The following CD58 variants were observed in gnomAD, a reference collection of about 807,000 sequenced individuals.
CD58 encodes CD58 molecule.
In CD58, 14 loss-of-function variants were observed where a neutral mutation model predicts 27.6. The observed-to-expected ratio is 0.51, with a 90% CI of 0.34 to 0.79. CD58 has a LOEUF of 0.79. Among genes scored for constraint, CD58 ranks in the 30% least tolerant of loss-of-function variants. CD58 has a pLI of 0.02. For synonymous variants in CD58, 117 were observed against 103.8 expected (o/e 1.13, Z -0.77); for missense variants, 268 against 301.7 (o/e 0.89, Z 0.83).
chr1:116,528,946 T>C lies in CD58; in HGVS notation c.629-6963A>G, dbSNP rs1345264611. Among the ~76,000 whole-genome samples the C allele has an allele frequency of 6.6e-6, 1 of 152,218 alleles. No individual in the cohort carries two copies. Among genetic ancestry groups the C allele is most frequent in the Non-Finnish European group, 1.5e-5 (1 of 68,032 alleles). ...TTAAACCATTGGCTGTATATAATGT[T>C]ATACCAAATGTCCTCTCTTGAAACT... On this transcript the variant is annotated intron_variant, in intron 3 of 5. Coordinates refer to ENST00000369489, the MANE Select transcript of CD58 (RefSeq NM_001779.3). This position sits in a 1 kb window ranked among gnomAD's most constrained non-coding sequence, Gnocchi z 4.4.
intron 2 of CD58, among the ~76,000 whole-genome samples, chr1:116,539,223 G>A (rs1657911844): frequency 1.3e-5 from 2 of 152,190 alleles, no homozygotes; most frequent in African/African-American, 4.8e-5. Context: ...TCCAACTCCA[G>A]GAAGCCGAGG....
chr1:116,545,813 A>G (rs961240354), intron 1 of CD58, among the ~76,000 whole-genome samples: 2 of 152,198 alleles, frequency 1.3e-5, no homozygotes, highest in Non-Finnish European at 2.9e-5. Context: ...TTAGAACCAC[A>G]AGATTGGGAT....
At chr1:116,564,267 A>G (rs1202972558) in intron 1 of CD58, among the ~76,000 whole-genome samples, 5 of 152,158 alleles carry the variant, frequency 3.3e-5, no homozygotes, top group Non-Finnish European at 7.4e-5. Context: ...ATCTGAGATG[A>G]GCAGCATTTG....
At position 116,523,192 on chromosome 1, in the gene CD58, C is replaced by T. The variant is rs1348495359; in HGVS notation, c.629-1209G>A. 6.6e-6 allele frequency among the ~76,000 whole-genome samples: 1 copy of T among 152,178 alleles called. No individual in the cohort carries two copies. Among genetic ancestry groups the T allele is most frequent in the Non-Finnish European group, 1.5e-5 (1 of 68,036 alleles). On this transcript the variant is annotated intron_variant, in intron 3 of 5. Coordinates refer to ENST00000369489, the MANE Select transcript of CD58 (RefSeq NM_001779.3). The surrounding 1 kb of genome is among the most constrained non-coding windows in gnomAD (Gnocchi z 4.4). Reference sequence around the variant, plus strand: ...ATTTACTGCAGCCTTACTTAATATACCATAAGGCAAAAACAACCTAAGTTG... The same window carrying T: ...ATTTACTGCAGCCTTACTTAATATATCATAAGGCAAAAACAACCTAAGTTG...
At chr1:116,530,688 A>G (rs1490840872) in intron 3 of CD58, among the ~76,000 whole-genome samples, 1 of 152,238 alleles carries the variant, frequency 6.6e-6, no homozygotes, top group African/African-American at 2.4e-5. Flanking sequence ...AAAACCTGAA[A>G]AAGTAAGATC....
intron 1 of CD58, among the ~76,000 whole-genome samples, chr1:116,548,833 A>T (rs149111078): frequency 1.3e-3 from 205 of 152,318 alleles, no homozygotes; most frequent in African/African-American, 4.6e-3. Flanking sequence ...AGGCAATTTT[A>T]TTGAATGCTT....
intron 3 of CD58, among the ~76,000 whole-genome samples, chr1:116,526,683 C>T (rs939535092): frequency 1.1e-4 from 17 of 152,240 alleles, no homozygotes; most frequent in South Asian, 8.3e-4. Flanking sequence ...CTTTTGCCTG[C>T]CCATTTAACC....
At position 116,552,479 on chromosome 1, in the gene CD58, C is replaced by G. The variant is rs1040537811; in HGVS notation, c.71-7875G>C. On this transcript the variant is annotated intron_variant, in intron 1 of 5. Coordinates refer to ENST00000369489, the MANE Select transcript of CD58 (RefSeq NM_001779.3). The surrounding 1 kb of genome is among the most constrained non-coding windows in gnomAD (Gnocchi z 4.5). Reference sequence around the variant, plus strand: ...GGACTTGCTTAAAGCTGGGTTGTCACGAACCTTCAATTTGTAAAAAGCACA... The same window carrying G: ...GGACTTGCTTAAAGCTGGGTTGTCAGGAACCTTCAATTTGTAAAAAGCACA... Among the ~76,000 whole-genome samples the G allele has an allele frequency of 6.6e-6, 1 of 152,080 alleles. No individual in the cohort carries two copies. Among genetic ancestry groups the G allele is most frequent in the African/African-American group, 2.4e-5 (1 of 41,390 alleles).
At position 116,531,422 on chromosome 1, in the gene CD58, A is replaced by G. The variant is rs1657601081; in HGVS notation, c.628+4543T>C. Among the ~76,000 whole-genome samples, 1 of 152,250 alleles carries G rather than the reference A, an allele frequency of 6.6e-6. No individual in the cohort carries two copies. The highest frequency in any genetic ancestry group is 1.5e-5 in the Non-Finnish European group (1 of 68,040). ...TTCTTCCCCCTTGTCAGTTAGATGCAGCACACATATACCAAAAGGCAAAAG... is the reference window on the plus strand; with the variant it reads ...TTCTTCCCCCTTGTCAGTTAGATGCGGCACACATATACCAAAAGGCAAAAG... On this transcript the variant is annotated intron_variant, in intron 3 of 5. Coordinates refer to ENST00000369489, the MANE Select transcript of CD58 (RefSeq NM_001779.3). The surrounding 1 kb of genome is among the most constrained non-coding windows in gnomAD (Gnocchi z 4.5).
intron 1 of CD58, among the ~76,000 whole-genome samples, chr1:116,566,478 A>G (rs1387601327): frequency 6.6e-6 from 1 of 152,222 alleles, no homozygotes; most frequent in Non-Finnish European, 1.5e-5. Flanking sequence ...CTGTGGGCAC[A>G]CTTTGCACCC....
At chr1:116,529,181 C>A (rs937784755) in intron 3 of CD58, among the ~76,000 whole-genome samples, 2 of 152,208 alleles carry the variant, frequency 1.3e-5, no homozygotes, top group Non-Finnish European at 2.9e-5. Context: ...AGAATTTTCT[C>A]CTGCCCTCAA....
intron 1 of CD58, 80 bp from the exon 2 acceptor site, chr1:116,544,684 T>C: frequency 3.2e-6 from 3 of 938,236 alleles, no homozygotes; most frequent in Non-Finnish European, 4.8e-6. Context: ...CTTTTTGTGC[T>C]AAGCTGACAA....
chr1:116,543,196 C>G (rs1658047409), intron 2 of CD58, among the ~76,000 whole-genome samples: 1 of 152,056 alleles, frequency 6.6e-6, no homozygotes, highest in Non-Finnish European at 1.5e-5. Context: ...CTGCAACGGA[C>G]TGAGTCTAGT....
At position 116,570,442 on chromosome 1, in the gene CD58, G is replaced by A. The variant is rs1659102225; in HGVS notation, c.70+461C>T. On this transcript the variant is annotated intron_variant, in intron 1 of 5. Coordinates refer to ENST00000369489, the MANE Select transcript of CD58 (RefSeq NM_001779.3). The surrounding 1 kb of genome is among the most constrained non-coding windows in gnomAD (Gnocchi z 6.4). Reference sequence around the variant, plus strand: ...CTGATACGGCGGACGCCGCGCGGGCGGGGACGGCACCGCGCGGGGAGGGCA... The same window carrying A: ...CTGATACGGCGGACGCCGCGCGGGCAGGGACGGCACCGCGCGGGGAGGGCA... 6.6e-6 allele frequency among the ~76,000 whole-genome samples: 1 copy of A among 152,010 alleles called. No individual in the cohort carries two copies. The highest frequency in any genetic ancestry group is 2.4e-5 in the African/African-American group (1 of 41,414).
At chr1:116,566,770 G>T (rs528355087) in intron 1 of CD58, among the ~76,000 whole-genome samples, 1 of 151,504 alleles carries the variant, frequency 6.6e-6, no homozygotes, top group Non-Finnish European at 1.5e-5. Flanking sequence ...TAAAATAAAA[G>T]AAAAAAAGGG....
intron 1 of CD58, among the ~76,000 whole-genome samples, chr1:116,558,083 C>T (rs1658638925): frequency 6.6e-6 from 1 of 150,598 alleles, no homozygotes; most frequent in South Asian, 2.1e-4. Context: ...ACTTCTCTCT[C>T]TCTCTCTAAA....
rs769414841 is a variant in CD58, at chr1:116,521,988, A to G, written c.629-5T>C. On this transcript the variant is annotated splice_polypyrimidine_tract_variant and splice_region_variant and intron_variant, in intron 3 of 5. Coordinates refer to ENST00000369489, the MANE Select transcript of CD58 (RefSeq NM_001779.3). The surrounding 1 kb of genome is among the most constrained non-coding windows in gnomAD (Gnocchi z 5.6). ...CATATCTGTGTCTTGAATGACCTAT[A>G]AAAAAGAAAAGAAAAGAAATTCAAC... 1.7e-5 allele frequency: 25 copies of G among 1,504,386 alleles called. No individual in the cohort carries two copies. Among genetic ancestry groups the G allele is most frequent in the Non-Finnish European group, 2.0e-5 (22 of 1,093,334 alleles). 93.2% of individuals were successfully genotyped at this position (1,504,386 alleles called of 1,614,324 possible).
chr1:116,530,686 A>C (rs1164995583), intron 3 of CD58, among the ~76,000 whole-genome samples: 11 of 151,652 alleles, frequency 7.3e-5, no homozygotes, highest in Admixed American at 7.2e-4. Context: ...TCAAAACCTG[A>C]AAAAGTAAGA....
At chr1:116,529,069 A>G (rs1184630475) in intron 3 of CD58, among the ~76,000 whole-genome samples, 2 of 152,176 alleles carry the variant, frequency 1.3e-5, no homozygotes, top group African/African-American at 4.8e-5. Context: ...AGCCCTTGTA[A>G]AGTAAGTATT....
Sources: gnomAD v4.1 joint callset for allele counts (sites outside exome capture counted in the v4.1 genomes callset) on GRCh38, gnomAD v4.1.1 for gene constraint, Gnocchi (gnomAD v3.1) non-coding constraint, MANE v1.5 for transcripts, NCBI Gene and HGNC (gene_info 2026-07-23, HGNC 2026-07-21) for gene names.